Variants in PPM1L observed in about 807,000 individuals in gnomAD.
The protein encoded by PPM1L is protein phosphatase 1L.
A neutral mutation model predicts 31.4 loss-of-function variants in PPM1L; 13 were observed. That is an observed-to-expected ratio of 0.41 (90% confidence interval 0.27 to 0.66). The LOEUF (loss-of-function observed/expected upper bound fraction) is 0.66, where lower values mean the gene tolerates loss of function less well. PPM1L is among the 30% of genes least tolerant of loss of function. The pLI is 0.29. For missense variants in PPM1L, 326 were observed against 453.7 expected (o/e 0.72, Z 2.56); for synonymous variants, 184 against 175.4 (o/e 1.05, Z -0.39).
rs1309332890 is a variant in PPM1L at position 161,075,733 on chromosome 3, T to C, written c.*6576T>C. 2 of 152,206 alleles carry C rather than the reference T, an allele frequency of 1.3e-5. No homozygotes were observed. The highest frequency in any genetic ancestry group is 4.8e-5 in the African/African-American group (2 of 41,450). 9.4% of individuals were successfully genotyped at this position (152,206 alleles called of 1,614,324 possible). On this transcript the variant is annotated 3_prime_UTR_variant, in exon 4 of 4. Transcript: ENST00000498165. ...AAAGGAGGTGTTATAGTTTATTACA[T>C]CATGAATTATGCTTTCTGTACTTAC...
At chr3:161,014,455 C>T (rs917171112) in intron 2 of PPM1L, among the ~76,000 whole-genome samples, 2 of 149,270 alleles carry the variant, frequency 1.3e-5, no homozygotes, top group Admixed American at 1.3e-4. Flanking sequence ...GCCAAATATC[C>T]CTTTTTTTCA....
Position 161,075,634 on chromosome 3 carries a change from G to A in PPM1L, c.*6477G>A, listed in dbSNP as rs1720073089. ...GTGTGGTCAAAATTAGAATGTAAAG[G>A]AAAGCATTTTTAAGAAAATACAGAA... On this transcript the variant is annotated 3_prime_UTR_variant, in exon 4 of 4. Coordinates refer to ENST00000498165, the MANE Select transcript of PPM1L (RefSeq NM_139245.4). The A allele has an allele frequency of 6.6e-6, 1 of 152,138 alleles. No homozygotes were observed. The allele number at this position is 152,138 out of a possible 1,614,324, so 9.4% of individuals were successfully genotyped here. A position where few individuals can be genotyped will look rare whatever the true frequency, so the allele number is the denominator to read the frequency against.
chr3:160,824,690 A>T (rs1429470725), intron 1 of PPM1L, among the ~76,000 whole-genome samples: 1 of 152,114 alleles, frequency 6.6e-6, no homozygotes, highest in Non-Finnish European at 1.5e-5. Context: ...GTCACTGATA[A>T]CCTCTTTGGA....
At chr3:160,810,646 T>A (rs1170381480) in intron 1 of PPM1L, among the ~76,000 whole-genome samples, 1 of 152,178 alleles carries the variant, frequency 6.6e-6, no homozygotes, top group Non-Finnish European at 1.5e-5. Context: ...GCCAGCCAAC[T>A]GACAGGGCAC....
chr3:161,035,094 G>A (rs920536223), intron 2 of PPM1L, among the ~76,000 whole-genome samples: 2 of 149,156 alleles, frequency 1.3e-5, no homozygotes, highest in East Asian at 2.0e-4. Flanking sequence ...GGGGGTGGGG[G>A]GCAAGGGGAA....
intron 2 of PPM1L, among the ~76,000 whole-genome samples, chr3:161,020,616 T>C (rs12493266): frequency 0.047 from 7,121 of 152,276 alleles, 428 homozygotes; most frequent in African/African-American, 0.12. Context: ...TTGTGAAGAA[T>C]TGGTTGGCAT....
intron 1 of PPM1L, among the ~76,000 whole-genome samples, chr3:160,762,683 A>C (rs1159747): frequency 0.032 from 4,840 of 152,294 alleles, 105 homozygotes; most frequent in South Asian, 0.05. Context: ...ATTGTATCCT[A>C]GCATTTCTGT....
chr3:160,980,666 A>G (rs1310943230), intron 2 of PPM1L, among the ~76,000 whole-genome samples: 4 of 150,402 alleles, frequency 2.7e-5, no homozygotes, highest in East Asian at 2.0e-4. Flanking sequence ...AGACCTTGGA[A>G]AGAAAGAAAG....
intron 1 of PPM1L, among the ~76,000 whole-genome samples, chr3:160,776,595 C>G (rs1313296196): frequency 7.2e-6 from 1 of 139,504 alleles, no homozygotes; most frequent in African/African-American, 2.8e-5. Context: ...CTTGGTACTA[C>G]CTTGGTGCCT....
At chr3:160,976,551 G>T (rs1490746679) in intron 2 of PPM1L, among the ~76,000 whole-genome samples, 2 of 150,546 alleles carry the variant, frequency 1.3e-5, no homozygotes, top group Middle Eastern at 3.4e-3. Context: ...ACAATTTCAG[G>T]TCCTGTTATT....
At chr3:160,850,503 G>T (rs891450176) in intron 1 of PPM1L, among the ~76,000 whole-genome samples, 8 of 152,056 alleles carry the variant, frequency 5.3e-5, no homozygotes, top group East Asian at 3.9e-4. Flanking sequence ...CTCCAGTCCT[G>T]CCCCTCTCCC....
intron 1 of PPM1L, among the ~76,000 whole-genome samples, chr3:160,897,042 CT>C (rs11298068): frequency 0.46 from 49,357 of 107,112 alleles, 9,696 homozygotes; most frequent in Middle Eastern, 0.53. Context: ...ACTACTGACT[CT>C]TTTTTTTTTT....
At chr3:161,031,295 A>C (rs1460894137) in intron 2 of PPM1L, among the ~76,000 whole-genome samples, 1 of 152,232 alleles carries the variant, frequency 6.6e-6, no homozygotes, top group Non-Finnish European at 1.5e-5. Context: ...CCTGGAAAGA[A>C]AACCATGGGA....
intron 2 of PPM1L, among the ~76,000 whole-genome samples, chr3:160,974,962 A>G (rs1716513163): frequency 6.6e-6 from 1 of 152,044 alleles, no homozygotes; most frequent in South Asian, 2.1e-4. Context: ...CTATATCCTG[A>G]ATGGTAATGC....
intron 1 of PPM1L, among the ~76,000 whole-genome samples, chr3:160,771,054 T>C (rs983270681): frequency 6.6e-6 from 1 of 152,256 alleles, no homozygotes; most frequent in Admixed American, 6.5e-5. Flanking sequence ...TAATTATAAA[T>C]GTGTAATATC....
intron 1 of PPM1L, among the ~76,000 whole-genome samples, chr3:160,907,026 C>T (rs1380584045): frequency 6.6e-6 from 1 of 152,186 alleles, no homozygotes; most frequent in Non-Finnish European, 1.5e-5. Context: ...GTCACTTGGT[C>T]CAGCCCATAT....
intron 1 of PPM1L, among the ~76,000 whole-genome samples, chr3:160,892,847 G>A (rs1376033099): frequency 6.6e-6 from 1 of 152,032 alleles, no homozygotes; most frequent in Non-Finnish European, 1.5e-5. Context: ...AGATGCGAAG[G>A]AGATTACAAT....
At chr3:161,018,143 C>T (rs1718137066) in intron 2 of PPM1L, among the ~76,000 whole-genome samples, 3 of 152,234 alleles carry the variant, frequency 2.0e-5, no homozygotes, top group East Asian at 3.9e-4. Flanking sequence ...ATGTGTTAGC[C>T]TCCTCACAGA....
At chr3:160,852,449 C>T (rs1273673971) in intron 1 of PPM1L, among the ~76,000 whole-genome samples, 2 of 152,146 alleles carry the variant, frequency 1.3e-5, no homozygotes, top group Non-Finnish European at 2.9e-5. Flanking sequence ...AGTGAGAGAG[C>T]TTTCCCCCTT....
Sources: gnomAD v4.1 joint callset for allele counts (sites outside exome capture counted in the v4.1 genomes callset) on GRCh38, gnomAD v4.1.1 for gene constraint, MANE v1.5 for transcripts, NCBI Gene and HGNC (gene_info 2026-07-23, HGNC 2026-07-21) for gene names.